Variants in TMEM269 observed in about 807,000 individuals in gnomAD.
TMEM269 encodes transmembrane protein 269.
TMEM269 carries 12 observed loss-of-function variants against 15.8 expected under a neutral mutation model. That is an observed-to-expected ratio of 0.76 (90% CI 0.49 to 1.23). The LOEUF is 1.23. TMEM269 is among the 50% of genes most tolerant of loss of function. The pLI is 0.00. For synonymous variants in TMEM269, 93 were observed against 99.3 expected (o/e 0.94, Z 0.38); for missense variants, 211 against 245.4 (o/e 0.86, Z 0.94).
chr1:42,798,046 C>T (rs1653818179), intron 5 of TMEM269, 52 bp from the exon 6 acceptor site: 2 of 1,548,202 alleles, frequency 1.3e-6, no homozygotes, highest in African/African-American at 2.7e-5. Flanking sequence ...GGGTAGAAAG[C>T]ATAGAAGACA....
chr1:42,785,001 C>G lies in TMEM269; in HGVS notation c.-180C>G, dbSNP rs1160758766. ...GAGGCGCTCCTCGCTAGGGCTGGCC[C>G]CCTCCACCGCACAGGAAACGGGGCA... is the stretch of plus-strand genomic sequence containing the variant. On this transcript the variant is annotated 5_prime_UTR_variant, in exon 1 of 6. Coordinates refer to ENST00000637012, the MANE Select transcript of TMEM269 (RefSeq NM_001354602.2). The G allele has an allele frequency of 6.6e-6, 1 of 152,612 alleles. No individual in the cohort carries two copies. Among genetic ancestry groups the G allele is most frequent in the Admixed American group, 6.5e-5 (1 of 15,278 alleles). The allele number at this position is 152,612 out of a possible 1,614,324, so 9.5% of individuals were successfully genotyped here. A position where few individuals can be genotyped will look rare whatever the true frequency, so the allele number is the denominator to read the frequency against.
chr1:42,792,695 T>A (rs1653718431), intron 2 of TMEM269, 110 bp from the exon 3 acceptor site: 1 of 688,324 alleles, frequency 1.5e-6, no homozygotes, highest in Middle Eastern at 3.1e-4. Context: ...GTGGGAGGTG[T>A]GTGGGAAGTA....
At position 42,797,469 on chromosome 1, in the gene TMEM269, T is replaced by A. The variant is rs1404930776; in HGVS notation, c.485-629T>A. 6.6e-6 allele frequency among the ~76,000 whole-genome samples: 1 copy of A among 152,176 alleles called. No individual in the cohort carries two copies. Among genetic ancestry groups the A allele is most frequent in the Non-Finnish European group, 1.5e-5 (1 of 68,030 alleles). On this transcript the variant is annotated intron_variant, in intron 5 of 5. Transcript: ENST00000637012. This position sits in a 1 kb window ranked among gnomAD's most constrained non-coding sequence, Gnocchi z 4.9. ...CAAGTTTTACTGGGGGATGGTCATGTCAGCACCCTGTGCCTACCATGTACC... is the reference window on the plus strand; with the variant it reads ...CAAGTTTTACTGGGGGATGGTCATGACAGCACCCTGTGCCTACCATGTACC...
chr1:42,794,742 A>G lies in TMEM269; in HGVS notation c.484+129A>G, dbSNP rs957583455. 79 of 694,896 alleles carry G rather than the reference A, an allele frequency of 1.1e-4. No homozygotes were observed. The African/African-American group carries it at 1.3e-3, about 11-fold the overall frequency. The allele number at this position is 694,896 out of a possible 1,614,324, so 43.0% of individuals were successfully genotyped here. A position where few individuals can be genotyped will look rare whatever the true frequency, so the allele number is the denominator to read the frequency against. ...CCCATAGAACTGATAATCATCTGAC[A>G]TATTTACTAGTTTTCTTATTGTCTA... On this transcript the variant is annotated intron_variant, in intron 5 of 5. Transcript: ENST00000637012.
chr1:42,796,285 AC>A (rs1653790206), intron 5 of TMEM269, among the ~76,000 whole-genome samples: 1 of 152,132 alleles, frequency 6.6e-6, no homozygotes, highest in South Asian at 2.1e-4. Context: ...CTCAAAATAA[AC>A]CACATACTTG....
Position 42,794,588 on chromosome 1 carries a change from C to T in TMEM269, c.459C>T (p.Asn153=), listed in dbSNP as rs778828492. 1.5e-5 allele frequency: 23 copies of T among 1,550,728 alleles called. No homozygotes were observed. Among genetic ancestry groups the T allele is most frequent in the Non-Finnish European group, 1.9e-5 (22 of 1,147,048 alleles). The change falls in exon 5 of 6, where the codon AAC becomes AAT. Residue 153 remains asparagine, a synonymous_variant. Transcript: ENST00000637012. ...ATGACAAAATCCTGGAGTCTGAGAA[C>T]TGGAAAAAATTGGTTTATATAGGAG... ...YPYDKILESE[N]WKKLVYIGGV...
At chr1:42,794,773 A>C (rs114555081) in intron 5 of TMEM269, among the ~76,000 whole-genome samples, 160 bp downstream of exon 5, 142 of 152,340 alleles carry the variant, frequency 9.3e-4, no homozygotes, top group Middle Eastern at 3.4e-3. Context: ...GTCTATAAAC[A>C]CTAAACCTAC....
chr1:42,800,790 AT>A lies in TMEM269; in HGVS notation c.*2566del, dbSNP rs1235868906. The A allele has an allele frequency of 6.6e-6, 1 of 151,946 alleles. No individual in the cohort carries two copies. Among genetic ancestry groups the A allele is most frequent in the Non-Finnish European group, 1.5e-5 (1 of 68,018 alleles). The allele number at this position is 151,946 out of a possible 1,614,324, so 9.4% of individuals were successfully genotyped here. On this transcript the variant is annotated 3_prime_UTR_variant, in exon 6 of 6. Coordinates refer to ENST00000637012, the MANE Select transcript of TMEM269 (RefSeq NM_001354602.2). ...TAGAATAATGAATGGCACGTAAAATATGTTAAATAAATGTTAGATGGCTTTC... is the reference window on the plus strand; with the variant it reads ...TAGAATAATGAATGGCACGTAAAATAGTTAAATAAATGTTAGATGGCTTTC...
intron 2 of TMEM269, among the ~76,000 whole-genome samples, chr1:42,791,863 G>A (rs1653692982): frequency 6.6e-6 from 1 of 152,156 alleles, no homozygotes; most frequent in African/African-American, 2.4e-5. Flanking sequence ...TTAGCTGGAT[G>A]TGGTGGCAAA....
intron 2 of TMEM269, among the ~76,000 whole-genome samples, chr1:42,791,052 A>G (rs1229132040): frequency 2.0e-5 from 3 of 152,180 alleles, no homozygotes; most frequent in Non-Finnish European, 2.9e-5. Flanking sequence ...AATGTGGGGT[A>G]TGAAAGAGCT....
rs143055140 is a variant in TMEM269, at chr1:42,790,699, C to T, written c.41+765C>T. On this transcript the variant is annotated intron_variant, in intron 2 of 5. Transcript: ENST00000637012. Reference sequence around the variant, plus strand: ...CCACCTGCCTAGGCCTCCCAAAGTGCTGGGATTACAAACGTGAGCCACTGT... The same window carrying T: ...CCACCTGCCTAGGCCTCCCAAAGTGTTGGGATTACAAACGTGAGCCACTGT... Among the ~76,000 whole-genome samples, 1,144 of 151,398 alleles carry T rather than the reference C, an allele frequency of 7.6e-3. 7 individuals are homozygous for T. Among genetic ancestry groups the T allele is most frequent in the Non-Finnish European group, 8.9e-3 (607 of 67,942 alleles).
chr1:42,798,279 C>A lies in TMEM269; in HGVS notation c.*54C>A, dbSNP rs191817556. The A allele has an allele frequency of 2.0e-6, 3 of 1,536,744 alleles. No homozygotes were observed. The highest frequency in any genetic ancestry group is 4.9e-5 in the East Asian group (2 of 40,890). ...CCGGCCTCTGTGGGGTTTGTGTCAGCATATTGGGTCAAGCCTGCACTAAAG... is the reference window on the plus strand; with the variant it reads ...CCGGCCTCTGTGGGGTTTGTGTCAGAATATTGGGTCAAGCCTGCACTAAAG... On this transcript the variant is annotated 3_prime_UTR_variant, in exon 6 of 6. Coordinates refer to ENST00000637012, the MANE Select transcript of TMEM269 (RefSeq NM_001354602.2).
intron 2 of TMEM269, among the ~76,000 whole-genome samples, chr1:42,792,026 G>T (rs1239989660): frequency 1.3e-5 from 2 of 151,978 alleles, no homozygotes; most frequent in Non-Finnish European, 2.9e-5. Flanking sequence ...AATTAGAGTG[G>T]CAATCAGAGA....
In TMEM269 at chr1:42,799,188, T is replaced by G. The variant is rs1272009558; in HGVS notation, c.*963T>G. 6.6e-6 allele frequency: 1 copy of G among 151,974 alleles called. No homozygotes were observed. The highest frequency in any genetic ancestry group is 2.4e-5 in the African/African-American group (1 of 41,356). The allele number at this position is 151,974 out of a possible 1,614,324, so 9.4% of individuals were successfully genotyped here. ...GCTGGAAACTACTAAACTCTAGCTATTCAGATGCCACTTCATATTCTAAAA... is the reference window on the plus strand; with the variant it reads ...GCTGGAAACTACTAAACTCTAGCTAGTCAGATGCCACTTCATATTCTAAAA... On this transcript the variant is annotated 3_prime_UTR_variant, in exon 6 of 6. Coordinates refer to ENST00000637012, the MANE Select transcript of TMEM269 (RefSeq NM_001354602.2).
At chr1:42,792,934 C>T (rs1307661525) in intron 3 of TMEM269, 32 bp downstream of exon 3, 2 of 1,492,788 alleles carry the variant, frequency 1.3e-6, no homozygotes, top group Non-Finnish European at 1.8e-6. Flanking sequence ...CTAATCCTTG[C>T]CCCCAGTAGC....
At position 42,788,674 on chromosome 1, in the gene TMEM269, C is replaced by T. The variant is rs888917890; in HGVS notation, c.-98-1122C>T. ...AGCTCGTTCACTGCCATATCCCACA[C>T]ACCTCCTCCTGCTGAAATCTATGCC... On this transcript the variant is annotated intron_variant, in intron 1 of 5. Coordinates refer to ENST00000637012, the MANE Select transcript of TMEM269 (RefSeq NM_001354602.2). This position sits in a 1 kb window ranked among gnomAD's most constrained non-coding sequence, Gnocchi z 4.0. Among the ~76,000 whole-genome samples, 3 of 152,204 alleles carry T rather than the reference C, an allele frequency of 2.0e-5. No individual in the cohort carries two copies. Among genetic ancestry groups the T allele is most frequent in the Non-Finnish European group, 2.9e-5 (2 of 68,040 alleles).
chr1:42,798,237 AG>A lies in TMEM269; in HGVS notation c.*13del. ...CGCCACAGCACTGAGGAAGCTAAGC[AG>A]CTCTACCAGCTCCTGCCGGCCTCTG... On this transcript the variant is annotated 3_prime_UTR_variant, in exon 6 of 6. Coordinates refer to ENST00000637012, the MANE Select transcript of TMEM269 (RefSeq NM_001354602.2). The A allele has an allele frequency of 6.5e-7, 1 of 1,543,644 alleles. No homozygotes were observed. Among genetic ancestry groups the A allele is most frequent in the East Asian group, 2.4e-5 (1 of 40,924 alleles).
chr1:42,789,923 C>T lies in TMEM269; in HGVS notation c.30C>T (p.Phe10=), dbSNP rs1445902379. The part of the protein sequence containing the change: MVLGLFSII[F]SFSRKCHYAS... ...TGCTGGGGCTCTTCTCCATCATCTTCAGCTTCAGCAGGTAGGTCTGGGGCC... is the reference window on the plus strand; with the variant it reads ...TGCTGGGGCTCTTCTCCATCATCTTTAGCTTCAGCAGGTAGGTCTGGGGCC... Residue 10 remains phenylalanine (F), a synonymous_variant, in exon 2 of 6, where the codon TTC becomes TTT. Transcript: ENST00000637012. 6.5e-7 allele frequency: 1 copy of T among 1,550,374 alleles called. No homozygotes were observed. Among genetic ancestry groups the T allele is most frequent in the Non-Finnish European group, 8.7e-7 (1 of 1,146,804 alleles).
rs1653824136 is a variant in TMEM269 at position 42,798,313 on chromosome 1, G to A, written c.*88G>A. On this transcript the variant is annotated 3_prime_UTR_variant, in exon 6 of 6. Coordinates refer to ENST00000637012, the MANE Select transcript of TMEM269 (RefSeq NM_001354602.2). ...TCAAGCCTGCACTAAAGCTTTGTAT[G>A]TACCTGTGTTGCCATATACTAGATA... 1.3e-6 allele frequency: 2 copies of A among 1,493,050 alleles called. No homozygotes were observed. Among genetic ancestry groups the A allele is most frequent in the South Asian group, 2.4e-5 (2 of 82,048 alleles). 92.5% of individuals were successfully genotyped at this position (1,493,050 alleles called of 1,614,324 possible).
Sources: allele counts gnomAD v4.1 joint callset (sites outside exome capture counted in the v4.1 genomes callset), GRCh38; gene constraint gnomAD v4.1.1; non-coding constraint Gnocchi (gnomAD v3.1); transcripts MANE v1.5; gene names NCBI Gene and HGNC (gene_info 2026-07-23, HGNC 2026-07-21).